CDK14: variants seen among roughly 807,000 people sequenced by gnomAD.
The protein encoded by CDK14 is cyclin-dependent kinase 14.
A neutral mutation model predicts 60.7 loss-of-function variants in CDK14; 34 were observed. The ratio of observed to expected loss-of-function variants is 0.56; its 90% CI spans 0.43 to 0.75. CDK14 has a LOEUF of 0.75. Ranked by LOEUF, CDK14 falls within the 30% of genes least tolerant of loss-of-function variation. CDK14 has a pLI of 0.00. For missense variants in CDK14, 482 were observed against 564.1 expected, an observed-to-expected ratio of 0.85 and a Z score of 1.47; for synonymous variants, 197 against 203.7, an observed-to-expected ratio of 0.97 and a Z score of 0.28.
chr7:90,953,670 C>A (rs1391163831), intron 8 of CDK14, among the ~76,000 whole-genome samples: 1 of 151,874 alleles, frequency 6.6e-6, no homozygotes, highest in Non-Finnish European at 1.5e-5. Context: ...AATTTTTTTT[C>A]ATTCTCTCAT....
intron 12 of CDK14, among the ~76,000 whole-genome samples, chr7:91,088,817 C>T (rs1388715374): frequency 6.6e-6 from 1 of 152,076 alleles, no homozygotes; most frequent in Non-Finnish European, 1.5e-5. Flanking sequence ...AGTGATTTCC[C>T]ACTCTTCCTG....
chr7:90,637,928 T>G (rs1223722047), intron 2 of CDK14, among the ~76,000 whole-genome samples: 1 of 148,806 alleles, frequency 6.7e-6, no homozygotes. Context: ...TGGTTTAAAG[T>G]CTGTTTTATC....
At chr7:90,774,569 C>T (rs974393014) in intron 4 of CDK14, among the ~76,000 whole-genome samples, 2 of 152,012 alleles carry the variant, frequency 1.3e-5, no homozygotes, top group African/African-American at 2.4e-5. Context: ...GGTAACATTT[C>T]CTATAAGTAT....
chr7:91,074,853 A>G (rs1284572222), intron 11 of CDK14, among the ~76,000 whole-genome samples: 1 of 152,232 alleles, frequency 6.6e-6, no homozygotes, highest in Non-Finnish European at 1.5e-5. Context: ...ATCAGAGAAT[A>G]CTGTAAACAC....
Position 90,636,499 on chromosome 7 carries a change from G to A in CDK14, c.123+32250G>A, listed in dbSNP as rs368895236. On this transcript the variant is annotated intron_variant, in intron 2 of 14. Coordinates refer to ENST00000380050, the MANE Select transcript of CDK14 (RefSeq NM_001287135.2). Reference sequence around the variant, plus strand: ...GGGATGAAGCCCACTTGATCATGGTGGATAAGCTTTTTGATGTGCTGCTGG... The same window carrying A: ...GGGATGAAGCCCACTTGATCATGGTAGATAAGCTTTTTGATGTGCTGCTGG... Among the ~76,000 whole-genome samples the A allele has an allele frequency of 1.9e-3, 294 of 151,870 alleles. 9 individuals carry two copies. The East Asian group carries it at 0.051, about 26-fold the overall frequency.
chr7:90,726,450 CT>C, intron 2 of CDK14, 116 bp from the exon 3 acceptor site: 1 of 1,274,306 alleles, frequency 7.8e-7, no homozygotes. Context: ...AGAATGTGGG[CT>C]TTTTGGGTAT....
intron 4 of CDK14, among the ~76,000 whole-genome samples, chr7:90,781,278 A>T (rs1489573622): frequency 6.6e-6 from 1 of 151,880 alleles, no homozygotes; most frequent in Admixed American, 6.6e-5. Flanking sequence ...TTTTTTTCTT[A>T]TAAATTTGTT....
intron 6 of CDK14, among the ~76,000 whole-genome samples, chr7:90,897,863 G>A (rs1312588677): frequency 6.6e-6 from 1 of 151,902 alleles, no homozygotes; most frequent in East Asian, 1.9e-4. Flanking sequence ...CTGACATTTT[G>A]CCTGGACCAG....
chr7:91,165,195 T>A (rs1801309004), intron 14 of CDK14, among the ~76,000 whole-genome samples: 1 of 152,216 alleles, frequency 6.6e-6, no homozygotes, highest in Admixed American at 6.5e-5. Context: ...ACATTCAGTT[T>A]CCTTTTGATT....
chr7:90,810,866 A>G (rs1189637089), intron 5 of CDK14, among the ~76,000 whole-genome samples: 2 of 152,048 alleles, frequency 1.3e-5, no homozygotes, highest in Non-Finnish European at 2.9e-5. Flanking sequence ...CCCATTCACA[A>G]TTGCTTCAAA....
chr7:90,601,737 C>T (rs887128930), intron 1 of CDK14, among the ~76,000 whole-genome samples: 1 of 152,042 alleles, frequency 6.6e-6, no homozygotes, highest in Admixed American at 6.6e-5. Flanking sequence ...ATTTGCAGTT[C>T]CCTAAGGGAT....
intron 11 of CDK14, among the ~76,000 whole-genome samples, chr7:91,077,940 G>A (rs535525834): frequency 9.9e-5 from 15 of 152,234 alleles, no homozygotes; most frequent in East Asian, 5.8e-4. Flanking sequence ...GCCAGAAAGC[G>A]TATGAAAAGA....
chr7:90,664,773 A>G (rs528113886), intron 2 of CDK14, among the ~76,000 whole-genome samples: 255 of 124,296 alleles, frequency 2.1e-3, no homozygotes, highest in Non-Finnish European at 3.1e-3. Context: ...GGAACATCAC[A>G]CTCTGGGGAC....
intron 3 of CDK14, among the ~76,000 whole-genome samples, chr7:90,735,956 A>C (rs1205977243): frequency 6.6e-6 from 1 of 152,208 alleles, no homozygotes; most frequent in African/African-American, 2.4e-5. Flanking sequence ...CTGGTGGCCT[A>C]GGCACCGGCG....
intron 1 of CDK14, among the ~76,000 whole-genome samples, chr7:90,602,099 A>G (rs1799328694): frequency 6.6e-6 from 1 of 152,112 alleles, no homozygotes; most frequent in South Asian, 2.1e-4. Flanking sequence ...GAGCCACTGC[A>G]CCTGGTGGGG....
At chr7:91,121,903 A>AT (rs570739756) in intron 14 of CDK14, among the ~76,000 whole-genome samples, 17 of 152,304 alleles carry the variant, frequency 1.1e-4, no homozygotes, top group African/African-American at 3.1e-4. Context: ...AGTATGACTT[A>AT]TTTTTGCATG....
chr7:91,129,993 A>G (rs1800068910), intron 14 of CDK14, among the ~76,000 whole-genome samples: 5 of 152,216 alleles, frequency 3.3e-5, no homozygotes, highest in Admixed American at 3.3e-4. Context: ...CGAAGAGTTC[A>G]TTGATATAGT....
intron 14 of CDK14, among the ~76,000 whole-genome samples, chr7:91,164,852 C>A (rs1375375075): frequency 6.6e-6 from 1 of 152,200 alleles, no homozygotes; most frequent in Non-Finnish European, 1.5e-5. Context: ...TGTAAAACAT[C>A]ATGTCAGTCC....
intron 8 of CDK14, among the ~76,000 whole-genome samples, chr7:90,935,553 ATTATC>A (rs977182804): frequency 6.6e-6 from 1 of 152,212 alleles, no homozygotes; most frequent in African/African-American, 2.4e-5. Context: ...ACATTTGCTT[ATTATC>A]TTATGATTAC....
Sources: allele counts gnomAD v4.1 joint callset (sites outside exome capture counted in the v4.1 genomes callset), GRCh38; gene constraint gnomAD v4.1.1; transcripts MANE v1.5; gene names NCBI Gene and HGNC (gene_info 2026-07-23, HGNC 2026-07-21).